The following SGCZ variants were observed in gnomAD, a reference collection of about 807,000 sequenced individuals.
SGCZ encodes zeta-sarcoglycan.
A neutral mutation model predicts 41.3 loss-of-function variants in SGCZ; 40 were observed. The ratio of observed to expected loss-of-function variants is 0.97; its 90% CI spans 0.75 to 1.26. The LOEUF (loss-of-function observed/expected upper bound fraction) is 1.26, where lower values mean the gene tolerates loss of function less well. Ranked by LOEUF, SGCZ falls within the 50% of genes most tolerant of loss-of-function variation. The pLI, the probability that SGCZ is intolerant of heterozygous loss-of-function variation, is 0.00. For synonymous variants in SGCZ, 206 were observed against 137.5 expected, an observed-to-expected ratio of 1.50 and a Z score of -3.49; for missense variants, 552 against 369.8, an observed-to-expected ratio of 1.49 and a Z score of -4.04.
intron 2 of SGCZ, among the ~76,000 whole-genome samples, chr8:14,458,580 C>G (rs1800814104): frequency 6.6e-6 from 1 of 152,058 alleles, no homozygotes; most frequent in Non-Finnish European, 1.5e-5. Flanking sequence ...AGTATGGACT[C>G]TTGGTTTTAA....
chr8:14,172,533 C>T (rs924511428), intron 4 of SGCZ, among the ~76,000 whole-genome samples: 2 of 152,148 alleles, frequency 1.3e-5, no homozygotes, highest in African/African-American at 4.8e-5. Flanking sequence ...GAATCTTGGA[C>T]TTATTTTCTC....
intron 1 of SGCZ, among the ~76,000 whole-genome samples, chr8:14,983,955 A>T (rs1355747969): frequency 6.6e-6 from 1 of 152,176 alleles, no homozygotes; most frequent in Non-Finnish European, 1.5e-5. Flanking sequence ...TTCAACCAAT[A>T]CTCGCTTTTA....
chr8:14,294,809 G>T (rs1800957217), intron 3 of SGCZ, among the ~76,000 whole-genome samples: 1 of 151,978 alleles, frequency 6.6e-6, no homozygotes, highest in African/African-American at 2.4e-5. Flanking sequence ...ATAAACATAT[G>T]AAATCGCTGT....
At chr8:14,902,453 T>C (rs895029370) in intron 1 of SGCZ, among the ~76,000 whole-genome samples, 4 of 152,136 alleles carry the variant, frequency 2.6e-5, no homozygotes, top group Non-Finnish European at 5.9e-5. Flanking sequence ...GGCCTGAATT[T>C]TCCTTGCCTG....
intron 2 of SGCZ, among the ~76,000 whole-genome samples, chr8:14,421,569 C>T (rs971102046): frequency 7.9e-5 from 12 of 152,062 alleles, no homozygotes; most frequent in African/African-American, 2.7e-4. Context: ...GACAAGGACA[C>T]AATCAACCTA....
At chr8:14,988,125 T>G (rs1167142184) in intron 1 of SGCZ, among the ~76,000 whole-genome samples, 1 of 152,006 alleles carries the variant, frequency 6.6e-6, no homozygotes, top group Non-Finnish European at 1.5e-5. Flanking sequence ...TATATTGTTT[T>G]GGAGGATATT....
At chr8:14,915,600 G>A (rs1162090962) in intron 1 of SGCZ, among the ~76,000 whole-genome samples, 1 of 152,076 alleles carries the variant, frequency 6.6e-6, no homozygotes, top group Non-Finnish European at 1.5e-5. Flanking sequence ...CGATCAACTG[G>A]AAAGCCCATT....
intron 1 of SGCZ, among the ~76,000 whole-genome samples, chr8:15,075,925 T>G (rs1359861070): frequency 6.6e-6 from 1 of 151,060 alleles, no homozygotes; most frequent in Admixed American, 6.6e-5. Context: ...ATTTGAAATA[T>G]CCCAGACCAA....
At chr8:14,706,962 T>C (rs978927347) in intron 1 of SGCZ, among the ~76,000 whole-genome samples, 3 of 151,398 alleles carry the variant, frequency 2.0e-5, no homozygotes, top group African/African-American at 4.9e-5. Flanking sequence ...CAAAACTTTA[T>C]GTTGTCATTT....
At chr8:14,831,718 AC>A (rs1027871673) in intron 1 of SGCZ, among the ~76,000 whole-genome samples, 5 of 151,976 alleles carry the variant, frequency 3.3e-5, no homozygotes, top group East Asian at 1.9e-4. Flanking sequence ...TTTCTAAAAA[AC>A]GTCTTTGAAA....
chr8:14,095,257 G>GTA (rs1349156171), intron 7 of SGCZ, among the ~76,000 whole-genome samples: 3 of 152,102 alleles, frequency 2.0e-5, no homozygotes, highest in Non-Finnish European at 4.4e-5. Context: ...TACGGTTTAG[G>GTA]TATTATGTTT....
At chr8:14,914,503 G>T (rs1290504127) in intron 1 of SGCZ, among the ~76,000 whole-genome samples, 1 of 151,420 alleles carries the variant, frequency 6.6e-6, no homozygotes, top group Non-Finnish European at 1.5e-5. Context: ...TTGGCAAAAG[G>T]TCGTTTGGAA....
chr8:14,711,283 T>C (rs1809505554), intron 1 of SGCZ, among the ~76,000 whole-genome samples: 1 of 151,972 alleles, frequency 6.6e-6, no homozygotes, highest in South Asian at 2.1e-4. Flanking sequence ...CAAACTTTTA[T>C]TCTCATTAAT....
At chr8:14,490,229 A>T (rs1801804205) in intron 2 of SGCZ, among the ~76,000 whole-genome samples, 1 of 152,150 alleles carries the variant, frequency 6.6e-6, no homozygotes. Flanking sequence ...ATTGTATAAG[A>T]TAATATTAGA....
intron 1 of SGCZ, among the ~76,000 whole-genome samples, chr8:14,702,946 TAGATAGATAGATAGATAGATAGATAGAC>T: frequency 7.6e-6 from 1 of 131,844 alleles, no homozygotes; most frequent in African/African-American, 2.9e-5. Context: ...GATAGATAGA[TAGATAGATAGATAGATAGATAGATAGAC>T]AGACAGACAG....
intron 1 of SGCZ, among the ~76,000 whole-genome samples, chr8:14,807,066 G>A (rs1440639789): frequency 3.9e-5 from 6 of 152,088 alleles, no homozygotes; most frequent in Admixed American, 3.3e-4. Flanking sequence ...ATTAGGTATT[G>A]ATGGGACATA....
intron 5 of SGCZ, among the ~76,000 whole-genome samples, chr8:14,160,131 TC>T (rs1803996199): frequency 6.6e-6 from 1 of 152,216 alleles, no homozygotes; most frequent in African/African-American, 2.4e-5. Context: ...AGATATGCTT[TC>T]TTTTGATATA....
intron 2 of SGCZ, among the ~76,000 whole-genome samples, chr8:14,399,847 C>G (rs186336947): frequency 6.6e-6 from 1 of 152,098 alleles, no homozygotes; most frequent in Non-Finnish European, 1.5e-5. Flanking sequence ...TTGAGCTACA[C>G]TTTATATGCT....
At chr8:15,035,359 A>G (rs889893812) in intron 1 of SGCZ, among the ~76,000 whole-genome samples, 11 of 152,130 alleles carry the variant, frequency 7.2e-5, no homozygotes, top group African/African-American at 2.4e-4. Context: ...CACAAAATAT[A>G]AAAAGTAAAG....
Sources: gnomAD v4.1 joint callset for allele counts (sites outside exome capture counted in the v4.1 genomes callset) on GRCh38, gnomAD v4.1.1 for gene constraint, MANE v1.5 for transcripts, NCBI Gene and HGNC (gene_info 2026-07-23, HGNC 2026-07-21) for gene names.